ARHGAP22: variants seen among roughly 807,000 people sequenced by gnomAD.
The protein encoded by ARHGAP22 is Rho GTPase activating protein 22.
Under a neutral mutation model 59.1 loss-of-function variants are expected in ARHGAP22, and 48 were observed. The observed-to-expected ratio is 0.81, with a 90% CI of 0.64 to 1.03. The LOEUF (loss-of-function observed/expected upper bound fraction) is 1.03, where lower values mean the gene tolerates loss of function less well. ARHGAP22 is among the 50% of genes least tolerant of loss of function. The pLI is 0.00. For synonymous variants in ARHGAP22, 445 were observed against 416.4 expected (o/e 1.07, Z -0.84); for missense variants, 1,015 against 958.7 (o/e 1.06, Z -0.78).
At chr10:48,460,338 G>A (rs1382866829) in intron 4 of ARHGAP22, among the ~76,000 whole-genome samples, 2 of 152,290 alleles carry the variant, frequency 1.3e-5, no homozygotes, top group Admixed American at 6.5e-5. Flanking sequence ...ACAGCTCACT[G>A]GACAAGACAG....
At chr10:48,580,603 C>T (rs777041081) in intron 2 of ARHGAP22, among the ~76,000 whole-genome samples, 1 of 152,166 alleles carries the variant, frequency 6.6e-6, no homozygotes, top group Non-Finnish European at 1.5e-5. Flanking sequence ...CTGGCAACTC[C>T]GTTCACAGTA....
At chr10:48,553,346 C>T (rs2057050759) in intron 3 of ARHGAP22, among the ~76,000 whole-genome samples, 1 of 152,252 alleles carries the variant, frequency 6.6e-6, no homozygotes, top group Non-Finnish European at 1.5e-5. Context: ...AGGCAGGCTA[C>T]TGCTGCTGTG....
intron 3 of ARHGAP22, among the ~76,000 whole-genome samples, chr10:48,481,788 T>C (rs2049349115): frequency 6.6e-6 from 1 of 152,254 alleles, no homozygotes; most frequent in Non-Finnish European, 1.5e-5. Context: ...ACACTAGCTA[T>C]GCTCAGACTT....
rs74130279 is a variant in ARHGAP22, at chr10:48,453,465, T to C, written c.867-40A>G. 1,034 of 1,610,946 alleles carry C rather than the reference T, an allele frequency of 6.4e-4. 7 individuals are homozygous for C. The African/African-American group carries it at 0.013, about 20-fold the overall frequency. ...AGCAGCAGTCATCAAAGAAGCAAGT[T>C]GTGATGCCCAGTCTCCTGTGTGCGG... On this transcript the variant is annotated intron_variant, in intron 7 of 9. Coordinates refer to ENST00000249601, the MANE Select transcript of ARHGAP22 (RefSeq NM_021226.4).
chr10:48,565,886 G>T (rs910571185), intron 2 of ARHGAP22, among the ~76,000 whole-genome samples: 1 of 152,188 alleles, frequency 6.6e-6, no homozygotes, highest in Non-Finnish European at 1.5e-5. Context: ...CTTGTGCCAT[G>T]AAATGAGGTG....
chr10:48,494,046 A>G (rs546213950), intron 3 of ARHGAP22, among the ~76,000 whole-genome samples: 30 of 152,362 alleles, frequency 2.0e-4, no homozygotes, highest in African/African-American at 7.0e-4. Context: ...AAGGCCAATA[A>G]CTAAACCCAC....
At chr10:48,605,337 C>A (rs1044573055), upstream of ARHGAP22, among the ~76,000 whole-genome samples, 3 of 138,314 alleles carry the variant, frequency 2.2e-5, no homozygotes, top group South Asian at 2.8e-4. Flanking sequence ...GAGACCCCCC[C>A]CCCACCCCAG....
At chr10:48,464,120 G>T (rs1272273811) in intron 4 of ARHGAP22, among the ~76,000 whole-genome samples, 1 of 152,060 alleles carries the variant, frequency 6.6e-6, no homozygotes, top group Non-Finnish European at 1.5e-5. Flanking sequence ...CCCACTCTAG[G>T]AATTAGAGAG....
intron 3 of ARHGAP22, among the ~76,000 whole-genome samples, chr10:48,553,740 C>A (rs1257663105): frequency 1.3e-5 from 2 of 152,220 alleles, no homozygotes; most frequent in Non-Finnish European, 2.9e-5. Flanking sequence ...ACACCCCCAA[C>A]ACCACTGGCA....
intron 2 of ARHGAP22, among the ~76,000 whole-genome samples, chr10:48,580,796 G>C (rs2059064618): frequency 6.6e-6 from 1 of 152,074 alleles, no homozygotes; most frequent in Non-Finnish European, 1.5e-5. Context: ...GGCTGGGTGG[G>C]CTTGTTGGCT....
intron 3 of ARHGAP22, among the ~76,000 whole-genome samples, chr10:48,542,476 T>C (rs529373840): frequency 6.6e-5 from 10 of 152,302 alleles, no homozygotes; most frequent in African/African-American, 1.4e-4. Flanking sequence ...GCTGGGGCCC[T>C]TCTGCAGTCC....
At chr10:48,536,791 A>AG (rs2055399029) in intron 3 of ARHGAP22, among the ~76,000 whole-genome samples, 1 of 152,180 alleles carries the variant, frequency 6.6e-6, no homozygotes, top group South Asian at 2.1e-4. Context: ...CTGGGCTCCC[A>AG]GGGGGCAATG....
intron 1 of ARHGAP22, among the ~76,000 whole-genome samples, chr10:48,600,478 T>C (rs981237995): frequency 6.6e-6 from 1 of 151,856 alleles, no homozygotes; most frequent in Non-Finnish European, 1.5e-5. Flanking sequence ...TGCATTTTAC[T>C]CTGTAAATTA....
At chr10:48,637,478 A>G (rs907939004) in intron 1 of ARHGAP22, among the ~76,000 whole-genome samples, 1 of 151,640 alleles carries the variant, frequency 6.6e-6, no homozygotes, top group Non-Finnish European at 1.5e-5. Context: ...TAGATGGTAG[A>G]TGGGTGGGTA....
intron 1 of ARHGAP22, among the ~76,000 whole-genome samples, chr10:48,647,801 G>T (rs1033268844): frequency 6.6e-6 from 1 of 152,148 alleles, no homozygotes. Flanking sequence ...GTCCATCAAC[G>T]GGTGAGCGGA....
chr10:48,586,418 A>G (rs1449936189), intron 1 of ARHGAP22, among the ~76,000 whole-genome samples: 3 of 152,138 alleles, frequency 2.0e-5, no homozygotes, highest in African/African-American at 7.2e-5. Context: ...GTGCCTAGTA[A>G]TGGGTTACTA....
chr10:48,542,861 T>C (rs1412593252), intron 3 of ARHGAP22, among the ~76,000 whole-genome samples: 1 of 152,132 alleles, frequency 6.6e-6, no homozygotes. Flanking sequence ...GAAGAGGAGC[T>C]GCCTGGCTGG....
At position 48,452,152 on chromosome 10, in the gene ARHGAP22, G is replaced by A. The variant is rs981141551; in HGVS notation, c.989-1012C>T. On this transcript the variant is annotated intron_variant, in intron 8 of 9. Transcript: ENST00000249601. The stretch of plus-strand genomic sequence containing the variant: ...CAGTCCTGGGGACTCAGTTCCTACG[G>A]TGGTGGGGTGGGGGCCTGCAGCGGA... 3.9e-5 allele frequency among the ~76,000 whole-genome samples: 6 copies of A among 152,304 alleles called. No homozygotes were observed. The East Asian group carries it at 7.7e-4, about 20-fold the overall frequency.
upstream of ARHGAP22, among the ~76,000 whole-genome samples, chr10:48,607,566 T>C (rs2060724454): frequency 1.3e-5 from 2 of 152,040 alleles, no homozygotes; most frequent in Non-Finnish European, 2.9e-5. Context: ...TGTGGGAGGA[T>C]GGAGTGGGGA....
Sources: allele counts gnomAD v4.1 joint callset (sites outside exome capture counted in the v4.1 genomes callset), GRCh38; gene constraint gnomAD v4.1.1; transcripts MANE v1.5; gene names NCBI Gene and HGNC (gene_info 2026-07-23, HGNC 2026-07-21).